The following ZNF562 variants were observed in gnomAD, a reference collection of about 807,000 sequenced individuals.
ZNF562 encodes the protein zinc finger protein 562.
A neutral mutation model predicts 17.5 loss-of-function variants in ZNF562; 13 were observed. The observed-to-expected ratio is 0.74, with a 90% CI of 0.48 to 1.18. The LOEUF is 1.18. Ranked by LOEUF, ZNF562 falls within the 50% of genes most tolerant of loss-of-function variation. The pLI is 0.00. For synonymous variants in ZNF562, 163 were observed against 165.4 expected, an observed-to-expected ratio of 0.99 and a Z score of 0.11; for missense variants, 481 against 498.5, an observed-to-expected ratio of 0.96 and a Z score of 0.33.
Position 9,651,651 on chromosome 19 carries a change from T to C in ZNF562, c.*1298A>G, listed in dbSNP as rs1171284460. 6.6e-6 allele frequency: 1 copy of C among 152,184 alleles called. No homozygotes were observed. Among genetic ancestry groups the C allele is most frequent in the Non-Finnish European group, 1.5e-5 (1 of 68,042 alleles). The allele number at this position is 152,184 out of a possible 1,614,324, so 9.4% of individuals were successfully genotyped here. A position where few individuals can be genotyped will look rare whatever the true frequency, so the allele number is the denominator to read the frequency against. On this transcript the variant is annotated 3_prime_UTR_variant, in exon 6 of 6. Coordinates refer to ENST00000453372, the MANE Select transcript of ZNF562 (RefSeq NM_001130031.2). The stretch of plus-strand genomic sequence containing the variant: ...CAAGGCATTCCTAAACCACAAACAA[T>C]AGCATGAGTGATTTGTGCCTTAAGG...
At chr19:9,673,387 C>A (rs980226994) in intron 1 of ZNF562, among the ~76,000 whole-genome samples, 2 of 152,102 alleles carry the variant, frequency 1.3e-5, no homozygotes, top group Admixed American at 6.5e-5. Flanking sequence ...GTGCTGGTTT[C>A]ACTTTGCAGC....
At chr19:9,672,393 C>A (rs1599330789) in intron 1 of ZNF562, among the ~76,000 whole-genome samples, 1 of 152,166 alleles carries the variant, frequency 6.6e-6, no homozygotes, top group East Asian at 1.9e-4. Flanking sequence ...ATCACATGTA[C>A]AATTTATGCT....
Position 9,651,530 on chromosome 19 carries a change from G to C in ZNF562, c.*1419C>G, listed in dbSNP as rs181240349. The C allele has an allele frequency of 6.6e-6, 1 of 152,328 alleles. No individual in the cohort carries two copies. The highest frequency in any genetic ancestry group is 1.5e-5 in the Non-Finnish European group (1 of 68,044). 9.4% of individuals were successfully genotyped at this position (152,328 alleles called of 1,614,324 possible). A position where few individuals can be genotyped will look rare whatever the true frequency, so the allele number is the denominator to read the frequency against. ...ATCTCTGCAGCACTGTGACATGCTC[G>C]TGATGGCTATGACGCCCATGCTGGA... On this transcript the variant is annotated 3_prime_UTR_variant, in exon 6 of 6. Transcript: ENST00000453372.
chr19:9,664,038 A>T (rs1322000920), intron 1 of ZNF562, among the ~76,000 whole-genome samples: 1 of 151,960 alleles, frequency 6.6e-6, no homozygotes, highest in East Asian at 1.9e-4. Context: ...TACAGGTGTG[A>T]GCCACCACAC....
At chr19:9,654,025 C>A in intron 5 of ZNF562, 144 bp from the exon 6 acceptor site, 1 of 999,414 alleles carries the variant, frequency 1.0e-6, no homozygotes, top group Non-Finnish European at 1.3e-6. Context: ...GAGTCTTGTT[C>A]TATCTCCCAG....
intron 1 of ZNF562, among the ~76,000 whole-genome samples, chr19:9,661,776 C>T (rs2043752664): frequency 6.6e-6 from 1 of 152,098 alleles, no homozygotes; most frequent in Non-Finnish European, 1.5e-5. Flanking sequence ...GCCCAGGTGA[C>T]AGTGCGAGAC....
chr19:9,669,019 A>C (rs1415266177), intron 1 of ZNF562, among the ~76,000 whole-genome samples: 1 of 152,334 alleles, frequency 6.6e-6, no homozygotes, highest in African/African-American at 2.4e-5. Flanking sequence ...TAGTAGAGGA[A>C]GACCCTTGGG....
At chr19:9,661,884 C>G (rs2043758371) in intron 1 of ZNF562, among the ~76,000 whole-genome samples, 1 of 152,128 alleles carries the variant, frequency 6.6e-6, no homozygotes, top group Non-Finnish European at 1.5e-5. Context: ...CCCACTTCAG[C>G]CCCCAAAGTG....
chr19:9,664,261 G>T (rs1457733721), intron 1 of ZNF562, among the ~76,000 whole-genome samples: 1 of 152,140 alleles, frequency 6.6e-6, no homozygotes, highest in Non-Finnish European at 1.5e-5. Context: ...TAGAGACTGT[G>T]TTTCTCCACG....
intron 1 of ZNF562, among the ~76,000 whole-genome samples, chr19:9,670,509 T>A (rs1240950158): frequency 1.3e-5 from 2 of 152,000 alleles, no homozygotes; most frequent in Non-Finnish European, 2.9e-5. Flanking sequence ...ATAAAGAGAA[T>A]GGAATTCTGT....
chr19:9,665,212 C>A (rs1199051564), intron 1 of ZNF562, among the ~76,000 whole-genome samples: 1 of 140,962 alleles, frequency 7.1e-6, no homozygotes, highest in East Asian at 2.0e-4. Context: ...CAGAGCAAGA[C>A]TCTGTCTAAA....
intron 4 of ZNF562, among the ~76,000 whole-genome samples, chr19:9,657,107 A>G (rs1400909755): frequency 6.6e-6 from 1 of 151,208 alleles, no homozygotes. Context: ...ATTTGGCTAT[A>G]AGGATGTGGG....
chr19:9,654,680 C>T (rs890765862), intron 5 of ZNF562, among the ~76,000 whole-genome samples: 7 of 152,026 alleles, frequency 4.6e-5, no homozygotes, highest in African/African-American at 1.7e-4. Flanking sequence ...AACTCTTGAC[C>T]TTCTCATCCG....
chr19:9,663,779 C>A (rs565361599), intron 1 of ZNF562, among the ~76,000 whole-genome samples: 1 of 151,892 alleles, frequency 6.6e-6, no homozygotes, highest in African/African-American at 2.4e-5. Flanking sequence ...CAGGTTCAAG[C>A]GATTTTCCTG....
intron 1 of ZNF562, among the ~76,000 whole-genome samples, chr19:9,662,446 C>T (rs7257487): frequency 0.16 from 23,917 of 151,382 alleles, 2,134 homozygotes; most frequent in Admixed American, 0.24. Flanking sequence ...TGGTGGCACA[C>T]GACTACTCAG....
At chr19:9,669,722 G>GCT (rs1300208787) in intron 1 of ZNF562, among the ~76,000 whole-genome samples, 7 of 97,390 alleles carry the variant, frequency 7.2e-5, no homozygotes, top group Admixed American at 9.8e-5. Context: ...GCGCGAGCGC[G>GCT]CGCGCGCGCG....
At chr19:9,673,033 T>C (rs1038918213) in intron 1 of ZNF562, among the ~76,000 whole-genome samples, 1 of 152,144 alleles carries the variant, frequency 6.6e-6, no homozygotes, top group Non-Finnish European at 1.5e-5. Context: ...CTAGTTACTG[T>C]AAACAACCTT....
At chr19:9,667,268 G>A (rs997123373) in intron 1 of ZNF562, among the ~76,000 whole-genome samples, 5 of 152,054 alleles carry the variant, frequency 3.3e-5, no homozygotes, top group Non-Finnish European at 7.4e-5. Flanking sequence ...AATAAAAACC[G>A]TATGAGATTT....
chr19:9,674,980 G>C (rs2044355427), intron 1 of ZNF562, 35 bp downstream of exon 1: 1 of 152,474 alleles, frequency 6.6e-6, no homozygotes, highest in Admixed American at 6.6e-5. Flanking sequence ...CCGCCCCGCT[G>C]GTATGTCCCG....
Sources: allele counts gnomAD v4.1 joint callset (sites outside exome capture counted in the v4.1 genomes callset), GRCh38; gene constraint gnomAD v4.1.1; transcripts MANE v1.5; gene names NCBI Gene and HGNC (gene_info 2026-07-23, HGNC 2026-07-21).